The following RUVBL1 variants were observed in gnomAD, a reference collection of about 807,000 sequenced individuals.
RUVBL1 encodes ruvB-like 1.
A neutral mutation model predicts 52.4 loss-of-function variants in RUVBL1; 4 were observed. That is an observed-to-expected ratio of 0.08 (90% CI 0.04 to 0.17). The LOEUF (loss-of-function observed/expected upper bound fraction) is 0.17, where lower values mean the gene tolerates loss of function less well. RUVBL1 is among the 10% of genes least tolerant of loss of function. The pLI is 1.00. For synonymous variants in RUVBL1, 217 were observed against 214.4 expected (o/e 1.01, Z -0.10); for missense variants, 298 against 572.8 (o/e 0.52, Z 4.90).
At chr3:128,085,762 C>A (rs1942627354) in intron 9 of RUVBL1, among the ~76,000 whole-genome samples, 1 of 152,106 alleles carries the variant, frequency 6.6e-6, no homozygotes, top group African/African-American at 2.4e-5. Flanking sequence ...CAGGAAAGGC[C>A]CAGGAGAGGC....
At position 128,067,098 on chromosome 3, in the gene RUVBL1, C is replaced by A. The variant is rs755574380; in HGVS notation, c.940-1878G>T. 6.2e-7 allele frequency: 1 copy of A among 1,614,216 alleles called. No individual in the cohort carries two copies. The highest frequency in any genetic ancestry group is 1.7e-5 in the Admixed American group (1 of 60,026). On this transcript the variant is annotated intron_variant, in intron 9 of 9. Coordinates refer to the RUVBL1 transcript ENST00000464873. This position sits in a 1 kb window ranked among gnomAD's most constrained non-coding sequence, Gnocchi z 4.1. The stretch of plus-strand genomic sequence containing the variant: ...CAACCTTTATGTCATCTCCCAAATG[C>A]TCTCAGCTCGCTTCAGTGGCAACTT...
In RUVBL1 at chr3:128,067,196, C is replaced by T; in HGVS notation, c.940-1976G>A. ...ATGAGCTAGCAATGCAGCTAAGTTG[C>T]AGTGGTTTCTATCAGTGTCTTGCTC... On this transcript the variant is annotated intron_variant, in intron 9 of 9. Transcript: ENST00000464873. The surrounding 1 kb of genome is among the most constrained non-coding windows in gnomAD (Gnocchi z 4.1). The T allele has an allele frequency of 1.9e-6, 3 of 1,558,028 alleles. No homozygotes were observed. Among genetic ancestry groups the T allele is most frequent in the Non-Finnish European group, 2.7e-6 (3 of 1,129,284 alleles).
At chr3:128,142,349 T>C (rs992047668) in intron 1 of RUVBL1, among the ~76,000 whole-genome samples, 5 of 152,146 alleles carry the variant, frequency 3.3e-5, no homozygotes, top group Non-Finnish European at 5.9e-5. Flanking sequence ...AGATCTTAAC[T>C]GTCAAATTGT....
chr3:128,082,377 G>C lies in RUVBL1; in HGVS notation c.1211+106C>G, dbSNP rs1048355979. 36 of 810,222 alleles carry C rather than the reference G, an allele frequency of 4.4e-5. No individual in the cohort carries two copies. The highest frequency in any genetic ancestry group is 6.5e-5 in the Non-Finnish European group (31 of 475,144). 50.2% of individuals were successfully genotyped at this position (810,222 alleles called of 1,614,324 possible). On this transcript the variant is annotated intron_variant, in intron 10 of 10. Coordinates refer to ENST00000322623, the MANE Select transcript of RUVBL1 (RefSeq NM_003707.3). This position sits in a 1 kb window ranked among gnomAD's most constrained non-coding sequence, Gnocchi z 4.7. ...TCGCGCCAGGAAGAGCGGATGGATA[G>C]AGTCCCATGCCCTAGGAAGGGACCT...
At chr3:128,089,064 T>C (rs1237768382) in intron 8 of RUVBL1, among the ~76,000 whole-genome samples, 1 of 152,250 alleles carries the variant, frequency 6.6e-6, no homozygotes, top group East Asian at 1.9e-4. Context: ...AATATTTTGC[T>C]ATTTCAACAG....
rs10574960 is a variant in RUVBL1 at position 128,080,992 on chromosome 3, T to TAG, written c.*256_*257dup. 1.7e-3 allele frequency: 661 copies of TAG among 395,474 alleles called. 4 individuals carry two copies. The highest frequency in any genetic ancestry group is 8.0e-3 in the African/African-American group (400 of 49,744). 24.5% of individuals were successfully genotyped at this position (395,474 alleles called of 1,614,324 possible). ...CTGAAAAGTTTATTTTTAAAAAACTTAGAGAGAGAGAGAGAGAGAATCAAA... is the reference window on the plus strand; with the variant it reads ...CTGAAAAGTTTATTTTTAAAAAACTTAGAGAGAGAGAGAGAGAGAGAATCAAA... On this transcript the variant is annotated 3_prime_UTR_variant, in exon 11 of 11. Transcript: ENST00000322623.
At chr3:128,116,314 G>A (rs113274109) in intron 2 of RUVBL1, among the ~76,000 whole-genome samples, 7 of 152,244 alleles carry the variant, frequency 4.6e-5, no homozygotes, top group African/African-American at 1.7e-4. Context: ...GCCAAGGCAG[G>A]TGGATCACCT....
rs1248338929 is a variant in RUVBL1 at position 128,065,005 on chromosome 3, A to G, written c.*207T>C. On this transcript the variant is annotated 3_prime_UTR_variant, in exon 10 of 10. Transcript: ENST00000464873. ...CAACCTCATGAATCTCATCGCCACC[A>G]TCTTTGTCTTTGCAGTGGTCATCTA... The G allele has an allele frequency of 1.2e-6, 2 of 1,614,102 alleles. No homozygotes were observed. The highest frequency in any genetic ancestry group is 3.3e-5 in the Admixed American group (2 of 60,006).
chr3:128,140,767 C>A (rs1444969099), intron 1 of RUVBL1, among the ~76,000 whole-genome samples: 1 of 152,066 alleles, frequency 6.6e-6, no homozygotes, highest in African/African-American at 2.4e-5. Flanking sequence ...ATTGGCATTT[C>A]AGATCAAGTA....
chr3:128,138,883 G>C (rs977139394), intron 1 of RUVBL1, among the ~76,000 whole-genome samples: 4 of 152,058 alleles, frequency 2.6e-5, no homozygotes, highest in Non-Finnish European at 4.4e-5. Context: ...GAATAGAATA[G>C]AGAACCCAGA....
At chr3:128,101,714 T>C in intron 4 of RUVBL1, 66 bp from the exon 5 acceptor site, 2 of 1,525,374 alleles carry the variant, frequency 1.3e-6, no homozygotes, top group Admixed American at 1.7e-5. Flanking sequence ...CCATGTAAGG[T>C]ACCTTTCCGT....
intron 5 of RUVBL1, 132 bp downstream of exon 5, chr3:128,101,427 A>C (rs143479356): frequency 1.3e-6 from 1 of 761,496 alleles, no homozygotes; most frequent in Non-Finnish European, 2.2e-6. Context: ...TTGACCTTCC[A>C]TCAGCCTCAT....
chr3:128,072,254 A>G (rs1576430254), intron 9 of RUVBL1, among the ~76,000 whole-genome samples: 1 of 152,062 alleles, frequency 6.6e-6, no homozygotes, highest in South Asian at 2.1e-4. Flanking sequence ...CCAGTCCTGG[A>G]CAGGGCCTCA....
chr3:128,101,180 G>A (rs576605987), intron 5 of RUVBL1, among the ~76,000 whole-genome samples: 23 of 152,284 alleles, frequency 1.5e-4, no homozygotes, highest in African/African-American at 4.3e-4. Context: ...CGAATGCAGC[G>A]TTCCTTCCCA....
chr3:128,102,708 G>A (rs893947869), intron 4 of RUVBL1, among the ~76,000 whole-genome samples: 1 of 152,224 alleles, frequency 6.6e-6, no homozygotes, highest in African/African-American at 2.4e-5. Flanking sequence ...TAAATGAGTA[G>A]GAGGATTCTT....
At chr3:128,098,265 C>T (rs866572758) in intron 7 of RUVBL1, among the ~76,000 whole-genome samples, 1 of 152,044 alleles carries the variant, frequency 6.6e-6, no homozygotes, top group Admixed American at 6.6e-5. Flanking sequence ...GGATGCACAC[C>T]GAAAACCGTG....
At chr3:128,121,567 G>A (rs373757790) in intron 1 of RUVBL1, among the ~76,000 whole-genome samples, 2 of 151,474 alleles carry the variant, frequency 1.3e-5, no homozygotes, top group East Asian at 2.0e-4. Flanking sequence ...AAAATTAGCC[G>A]AGCGTGGTGG....
At chr3:128,087,575 G>A (rs1203715910) in intron 9 of RUVBL1, 131 bp downstream of exon 9, 3 of 628,848 alleles carry the variant, frequency 4.8e-6, no homozygotes, top group Admixed American at 5.8e-5. Context: ...TGACTTGCTC[G>A]AGGCCAGTAG....
exon 1 of RUVBL1, chr3:128,153,786 C>T: frequency 2.0e-6 from 3 of 1,528,438 alleles, no homozygotes; most frequent in Non-Finnish European, 2.6e-6. Context: ...TGGTCGACTG[C>T]CCCGGGCACG....
Sources: allele counts gnomAD v4.1 joint callset (sites outside exome capture counted in the v4.1 genomes callset), GRCh38; gene constraint gnomAD v4.1.1; non-coding constraint Gnocchi (gnomAD v3.1); transcripts MANE v1.5; gene names NCBI Gene and HGNC (gene_info 2026-07-23, HGNC 2026-07-21).